The following KLKB1 variants were observed in gnomAD, a reference collection of about 807,000 sequenced individuals.
The protein encoded by KLKB1 is kallikrein B1.
Under a neutral mutation model 73.6 loss-of-function variants are expected in KLKB1, and 58 were observed. The ratio of observed to expected loss-of-function variants is 0.79; its 90% confidence interval spans 0.64 to 0.98. The LOEUF is 0.98. Ranked by LOEUF, KLKB1 falls within the 50% of genes least tolerant of loss-of-function variation. The pLI, the probability that KLKB1 is intolerant of heterozygous loss-of-function variation, is 0.00. For missense variants in KLKB1, 737 were observed against 763.8 expected, an observed-to-expected ratio of 0.96 and a Z score of 0.41; for synonymous variants, 280 against 258.1, an observed-to-expected ratio of 1.08 and a Z score of -0.81.
intron 12 of KLKB1, among the ~76,000 whole-genome samples, chr4:186,255,449 C>T (rs4253318): frequency 0.13 from 20,266 of 152,112 alleles, 1,579 homozygotes; most frequent in Middle Eastern, 0.21. Flanking sequence ...CACCTGTAGT[C>T]CCAGCTAGTC....
rs755207618 is a variant in KLKB1, at chr4:186,245,802, G to GTTTTTT, written c.599-4437_599-4432dup. ...TGAGGGCTGGAATCTAATTTTTGGAGTTTTTTTTTGTTTGTTTTTTGGTTT... is the reference window on the plus strand; with the variant it reads ...TGAGGGCTGGAATCTAATTTTTGGAGTTTTTTTTTTTTTTTGTTTGTTTTTTGGTTT... On this transcript the variant is annotated intron_variant, in intron 6 of 14. Coordinates refer to ENST00000264690, the MANE Select transcript of KLKB1 (RefSeq NM_000892.5). Among the ~76,000 whole-genome samples the GTTTTTT allele has an allele frequency of 1.8e-4, 10 of 54,882 alleles. 1 individual carries two copies. The highest frequency in any genetic ancestry group is 2.8e-4 in the African/African-American group (5 of 17,604). 36.0% of individuals were successfully genotyped at this position (54,882 alleles called of 152,430 possible).
rs187895234 is a variant in KLKB1, at chr4:186,240,212, T to A, written c.598+1847T>A. Among the ~76,000 whole-genome samples, 248 of 152,168 alleles carry A rather than the reference T, an allele frequency of 1.6e-3. 1 individual carries two copies. Among genetic ancestry groups the A allele is most frequent in the African/African-American group, 5.8e-3 (241 of 41,486 alleles). On this transcript the variant is annotated intron_variant, in intron 6 of 14. Transcript: ENST00000264690. ...AGGTACAGTGATATTGTTATAGTTATAGGACAGTGATATTGTTATAGTTAT... is the reference window on the plus strand; with the variant it reads ...AGGTACAGTGATATTGTTATAGTTAAAGGACAGTGATATTGTTATAGTTAT...
chr4:186,237,613 T>C (rs1445887729), intron 5 of KLKB1, among the ~76,000 whole-genome samples: 3 of 152,204 alleles, frequency 2.0e-5, no homozygotes, highest in African/African-American at 7.2e-5. Flanking sequence ...ATTTCATTCA[T>C]AGAGCTAATC....
At chr4:186,217,281 C>A (rs1401830318) in intron 2 of KLKB1, among the ~76,000 whole-genome samples, 1 of 150,386 alleles carries the variant, frequency 6.6e-6, no homozygotes, top group East Asian at 1.9e-4. Flanking sequence ...GCTTTTGTCC[C>A]AGTTGTTTTG....
Position 186,234,105 on chromosome 4 carries a change from G to A in KLKB1, c.328+47G>A, listed in dbSNP as rs144318484. The A allele has an allele frequency of 1.4e-4, 194 of 1,380,832 alleles. 2 individuals are homozygous for A. In the East Asian group the frequency reaches 3.8e-3, roughly 27 times the overall value. The allele number at this position is 1,380,832 out of a possible 1,614,324, so 85.5% of individuals were successfully genotyped here. On this transcript the variant is annotated intron_variant, in intron 4 of 14. Coordinates refer to ENST00000264690, the MANE Select transcript of KLKB1 (RefSeq NM_000892.5). ...TACATTTGAGTTAATATTGGATCTC[G>A]CTTAGAACAGCTTTTGCTCAAAGTT...
Position 186,242,148 on chromosome 4 carries a change from C to G in KLKB1, c.598+3783C>G, listed in dbSNP as rs748332997. Among the ~76,000 whole-genome samples the G allele has an allele frequency of 1.2e-3, 162 of 132,556 alleles. 2 individuals carry two copies. Among genetic ancestry groups the G allele is most frequent in the South Asian group, 1.8e-3 (7 of 3,886 alleles). 87.0% of individuals were successfully genotyped at this position (132,556 alleles called of 152,430 possible). Reference sequence around the variant, plus strand: ...AAGGGGGTTGTTCTCTGGCGGGCAGCGGTGGGGGGTCACAAGGTGCTCAGT... The same window carrying G: ...AAGGGGGTTGTTCTCTGGCGGGCAGGGGTGGGGGGTCACAAGGTGCTCAGT... On this transcript the variant is annotated intron_variant, in intron 6 of 14. Transcript: ENST00000264690.
intron 2 of KLKB1, among the ~76,000 whole-genome samples, chr4:186,231,013 C>A (rs1314359439): frequency 6.6e-6 from 1 of 152,104 alleles, no homozygotes; most frequent in African/African-American, 2.4e-5. Context: ...TTGGCCACAC[C>A]TCAGAGAGGG....
intron 14 of KLKB1, 24 bp downstream of exon 14, chr4:186,257,389 C>A: frequency 6.4e-7 from 1 of 1,559,072 alleles, no homozygotes; most frequent in Non-Finnish European, 8.7e-7. Context: ...TTATGAAAAA[C>A]ACAATAGGCT....
chr4:186,244,419 AG>A (rs1738217600), intron 6 of KLKB1, among the ~76,000 whole-genome samples: 1 of 152,180 alleles, frequency 6.6e-6, no homozygotes, highest in Non-Finnish European at 1.5e-5. Flanking sequence ...ATGCCGAGAT[AG>A]GTAATGGATG....
At chr4:186,249,842 G>T (rs1057470937) in intron 6 of KLKB1, among the ~76,000 whole-genome samples, 2 of 152,106 alleles carry the variant, frequency 1.3e-5, no homozygotes, top group Non-Finnish European at 2.9e-5. Context: ...ATAGGCACAA[G>T]GCATTTTTGT....
At chr4:186,224,797 G>A (rs1409840039), upstream of KLKB1, among the ~76,000 whole-genome samples, 1 of 152,176 alleles carries the variant, frequency 6.6e-6, no homozygotes, top group Non-Finnish European at 1.5e-5. Context: ...ATCTGAAAAG[G>A]ACATGAGATT....
intron 2 of KLKB1, among the ~76,000 whole-genome samples, chr4:186,231,526 T>C (rs1737398351): frequency 1.3e-5 from 2 of 152,254 alleles, no homozygotes; most frequent in African/African-American, 4.8e-5. Flanking sequence ...GTTTCAATCA[T>C]ACTGAGATGA....
chr4:186,243,130 G>C (rs1738141360), intron 6 of KLKB1, among the ~76,000 whole-genome samples: 1 of 152,190 alleles, frequency 6.6e-6, no homozygotes, highest in South Asian at 2.1e-4. Flanking sequence ...CTGGGCGGGG[G>C]CAAATCCCCG....
intron 2 of KLKB1, chr4:186,213,409 T>A (rs1009594409): frequency 6.6e-6 from 1 of 152,202 alleles, no homozygotes; most frequent in East Asian, 1.9e-4. Context: ...AAAAGATAAA[T>A]CAGGAGATGG....
chr4:186,216,948 G>A (rs1481618791), intron 2 of KLKB1, among the ~76,000 whole-genome samples: 1 of 152,188 alleles, frequency 6.6e-6, no homozygotes, highest in African/African-American at 2.4e-5. Context: ...AACCCCATCT[G>A]CAGAATTGCT....
At chr4:186,224,749 CTT>C (rs373871587), upstream of KLKB1, among the ~76,000 whole-genome samples, 21 of 152,232 alleles carry the variant, frequency 1.4e-4, no homozygotes, top group African/African-American at 5.1e-4. Flanking sequence ...TGAGTTAAGA[CTT>C]TGGGGGACTG....
chr4:186,235,429 C>T (rs191466850), intron 4 of KLKB1, among the ~76,000 whole-genome samples: 1 of 152,194 alleles, frequency 6.6e-6, no homozygotes. Context: ...TTAGAGCTTC[C>T]GTATGAACAC....
At chr4:186,229,743 T>A (rs1019291677) in intron 2 of KLKB1, among the ~76,000 whole-genome samples, 1 of 152,142 alleles carries the variant, frequency 6.6e-6, no homozygotes, top group Non-Finnish European at 1.5e-5. Flanking sequence ...TCCTGACATA[T>A]TTATCTTTCT....
rs1407242060 is a variant in KLKB1 at position 186,258,369 on chromosome 4, G to A, written c.*157G>A. 5.5e-6 allele frequency: 4 copies of A among 730,792 alleles called. No homozygotes were observed. Among genetic ancestry groups the A allele is most frequent in the Non-Finnish European group, 9.7e-6 (4 of 414,298 alleles). 45.3% of individuals were successfully genotyped at this position (730,792 alleles called of 1,614,324 possible). A position where few individuals can be genotyped will look rare whatever the true frequency, so the allele number is the denominator to read the frequency against. On this transcript the variant is annotated 3_prime_UTR_variant, in exon 15 of 15. Coordinates refer to ENST00000264690, the MANE Select transcript of KLKB1 (RefSeq NM_000892.5). ...TCAGAGCTGCTGAGGACAATGTCTG[G>A]CTGAAGCCCGCTTTCAGCACGCCGT...
Sources: gnomAD v4.1 joint callset for allele counts (sites outside exome capture counted in the v4.1 genomes callset) on GRCh38, gnomAD v4.1.1 for gene constraint, MANE v1.5 for transcripts, NCBI Gene and HGNC (gene_info 2026-07-23, HGNC 2026-07-21) for gene names.